The following OXTR variants were observed in gnomAD, a reference collection of about 807,000 sequenced individuals.
OXTR encodes oxytocin receptor.
OXTR carries 19 observed loss-of-function variants against 23.9 expected under a neutral mutation model. The observed-to-expected ratio is 0.80, with a 90% CI of 0.56 to 1.17. OXTR has a LOEUF of 1.17. Among genes scored for constraint, OXTR ranks in the 50% most tolerant of loss-of-function variants. The pLI is 0.00. For missense variants in OXTR, 500 were observed against 550.7 expected, an observed-to-expected ratio of 0.91 and a Z score of 0.92; for synonymous variants, 278 against 250.5, an observed-to-expected ratio of 1.11 and a Z score of -1.04.
chr3:8,747,701 G>A (rs1325495133), downstream of OXTR, among the ~76,000 whole-genome samples: 1 of 152,160 alleles, frequency 6.6e-6, no homozygotes, highest in African/African-American at 2.4e-5. Context: ...GGCTCAGCAG[G>A]CCCAGGCTCC....
intron 3 of OXTR, among the ~76,000 whole-genome samples, chr3:8,760,427 C>T (rs1391856866): frequency 2.0e-5 from 3 of 152,230 alleles, no homozygotes; most frequent in Non-Finnish European, 2.9e-5. Flanking sequence ...ACTCTCTTCA[C>T]TTGGGGGTTG....
Position 8,753,242 on chromosome 3 carries a change from G to A in OXTR, c.923-18C>T, listed in dbSNP as rs776210566. On this transcript the variant is annotated intron_variant, in intron 3 of 3. Coordinates refer to ENST00000316793, the MANE Select transcript of OXTR (RefSeq NM_000916.4). ...GGCCGAGGCTGAGGGGGTGGGGGCAGGAGAAAGGAGAAAAGGGCATTAATT... is the reference window on the plus strand; with the variant it reads ...GGCCGAGGCTGAGGGGGTGGGGGCAAGAGAAAGGAGAAAAGGGCATTAATT... The A allele has an allele frequency of 6.2e-7, 1 of 1,612,906 alleles. No individual in the cohort carries two copies. The highest frequency in any genetic ancestry group is 8.5e-7 in the Non-Finnish European group (1 of 1,179,330).
At chr3:8,745,654 C>CGTCCCA (rs1559654772), downstream of OXTR, 1 of 1,614,080 alleles carries the variant, frequency 6.2e-7, no homozygotes, top group Non-Finnish European at 8.5e-7. This position sits in a 1 kb window ranked among gnomAD's most constrained non-coding sequence, Gnocchi z 4.8. Flanking sequence ...CGCTGCTGGG[C>CGTCCCA]GTCCCACTGG....
chr3:8,742,846 C>T, the OXTR span, among the ~76,000 whole-genome samples: 1 of 152,080 alleles, frequency 6.6e-6, no homozygotes. Context: ...GAGTGTCAGT[C>T]TGTTTTTCAT....
chr3:8,754,234 T>C (rs1448666522), intron 3 of OXTR, among the ~76,000 whole-genome samples: 1 of 152,178 alleles, frequency 6.6e-6, no homozygotes, highest in East Asian at 1.9e-4. Flanking sequence ...ACATTGCTTG[T>C]CACAAACTGA....
intron 3 of OXTR, among the ~76,000 whole-genome samples, chr3:8,761,794 G>A (rs1000018443): frequency 7.9e-5 from 12 of 152,220 alleles, no homozygotes; most frequent in Admixed American, 2.0e-4. Context: ...TCCAGAGAGG[G>A]TGTCAAAGCT....
Position 8,767,607 on chromosome 3 carries a change from G to C in OXTR, c.581C>G (p.Pro194Arg). 6 of 1,613,408 alleles carry C rather than the reference G, an allele frequency of 3.7e-6. No homozygotes were observed. The highest frequency in any genetic ancestry group is 5.1e-6 in the Non-Finnish European group (6 of 1,179,788). Residue 194 changes from proline to arginine, a missense_variant, in exon 3 of 4, where the codon CCC becomes CGC. Coordinates refer to ENST00000316793, the MANE Select transcript of OXTR (RefSeq NM_000916.4). ...TGTGATGTAGGCCTTGGGTCCCCAG[G>C]GCTGGATGAAGACGGCCCAGCAGTC... ...VFDCWAVFIQ[P>R]WGPKAYITWI...
Position 8,767,611 on chromosome 3 carries a change from G to C in OXTR, c.577C>G (p.Gln193Glu). Residue 193 changes from glutamine (Q) to glutamate (E), a missense_variant, in exon 3 of 4, where the codon CAG (glutamine) becomes GAG (glutamate). By Grantham distance (29) the Gln-to-Glu change is conservative (BLOSUM62 2). Transcript: ENST00000316793. ...ATGTAGGCCTTGGGTCCCCAGGGCTGGATGAAGACGGCCCAGCAGTCGAAG... is the reference window on the plus strand; with the variant it reads ...ATGTAGGCCTTGGGTCCCCAGGGCTCGATGAAGACGGCCCAGCAGTCGAAG... ...GVFDCWAVFI[Q>E]PWGPKAYITW... 1 of 1,613,334 alleles carries C rather than the reference G, an allele frequency of 6.2e-7. No individual in the cohort carries two copies. The highest frequency in any genetic ancestry group is 8.5e-7 in the Non-Finnish European group (1 of 1,179,754).
In OXTR at chr3:8,767,309, G is replaced by A. The variant is rs1252753781; in HGVS notation, c.879C>T (p.Phe293=). 6.3e-7 allele frequency: 1 copy of A among 1,594,444 alleles called. No homozygotes were observed. The highest frequency in any genetic ancestry group is 1.4e-5 in the African/African-American group (1 of 73,906). The stretch of plus-strand genomic sequence containing the variant: ...CATCCCAGACGCTCCACATCTGCAC[G>A]AAGAAGAAAGGCGTCCAGCACACGA... The part of the protein sequence containing the change: ...AFIVCWTPFF[F]VQMWSVWDAN... Residue 293 remains phenylalanine, a synonymous_variant, in exon 3 of 4, where the codon TTC becomes TTT. Coordinates refer to ENST00000316793, the MANE Select transcript of OXTR (RefSeq NM_000916.4).
At chr3:8,755,753 A>C (rs1708358542) in intron 3 of OXTR, among the ~76,000 whole-genome samples, 1 of 152,230 alleles carries the variant, frequency 6.6e-6, no homozygotes, top group Admixed American at 6.5e-5. Context: ...TAATTTGTCA[A>C]TATCCTAGTC....
chr3:8,761,988 C>T (rs908102378), intron 3 of OXTR, among the ~76,000 whole-genome samples: 5 of 152,182 alleles, frequency 3.3e-5, no homozygotes, highest in Non-Finnish European at 5.9e-5. Context: ...GTACAGGGTC[C>T]GGCTTCAGCC....
At chr3:8,760,108 C>T (rs751047376) in intron 3 of OXTR, among the ~76,000 whole-genome samples, 116 of 152,342 alleles carry the variant, frequency 7.6e-4, no homozygotes, top group Non-Finnish European at 1.4e-3. Flanking sequence ...ATGACTCCCA[C>T]TCCATCAGCT....
At chr3:8,745,819 G>A (rs1488311036), downstream of OXTR, 1 of 1,613,774 alleles carries the variant, frequency 6.2e-7, no homozygotes, top group South Asian at 1.1e-5. This position sits in a 1 kb window ranked among gnomAD's most constrained non-coding sequence, Gnocchi z 4.8. Context: ...TCGCGGCCCT[G>A]GGCCAGGTCT....
intron 3 of OXTR, among the ~76,000 whole-genome samples, chr3:8,761,028 G>GGCACGTA (rs1350077291): frequency 6.6e-6 from 1 of 152,222 alleles, no homozygotes; most frequent in Admixed American, 6.5e-5. Context: ...GGTTGCTAAT[G>GGCACGTA]GCACGTAGCA....
chr3:8,745,778 C>T, downstream of OXTR: 2 of 1,614,124 alleles, frequency 1.2e-6, no homozygotes, highest in Non-Finnish European at 1.7e-6. This position sits in a 1 kb window ranked among gnomAD's most constrained non-coding sequence, Gnocchi z 4.8. Flanking sequence ...CATCTACTCA[C>T]TCTGCATCCG....
chr3:8,744,368 T>A, the OXTR span, among the ~76,000 whole-genome samples: 1 of 139,812 alleles, frequency 7.2e-6, no homozygotes, highest in Admixed American at 7.5e-5. Context: ...AAGCCCCGCC[T>A]CCCGGGTTTA....
the OXTR span, among the ~76,000 whole-genome samples, chr3:8,743,549 C>T: frequency 3.3e-5 from 5 of 152,098 alleles, no homozygotes; most frequent in African/African-American, 1.2e-4. Context: ...AGCTGGGGGC[C>T]AAGATTATAC....
intron 3 of OXTR, among the ~76,000 whole-genome samples, chr3:8,758,881 G>T (rs1466598262): frequency 6.6e-6 from 1 of 152,180 alleles, no homozygotes; most frequent in African/African-American, 2.4e-5. Flanking sequence ...GAATGACAAG[G>T]CCCTCCATCC....
downstream of OXTR, among the ~76,000 whole-genome samples, chr3:8,747,355 G>A (rs1708189965): frequency 6.6e-6 from 1 of 152,158 alleles, no homozygotes; most frequent in Admixed American, 6.5e-5. Flanking sequence ...AACATTGTAT[G>A]TAAATTTCAA....
Sources: allele counts gnomAD v4.1 joint callset (sites outside exome capture counted in the v4.1 genomes callset), GRCh38; gene constraint gnomAD v4.1.1; non-coding constraint Gnocchi (gnomAD v3.1); transcripts MANE v1.5; gene names NCBI Gene and HGNC (gene_info 2026-07-23, HGNC 2026-07-21).